GCC2: variants seen among roughly 807,000 people sequenced by gnomAD.
GCC2 encodes the protein GRIP and coiled-coil domain-containing protein 2.
A neutral mutation model predicts 210.6 loss-of-function variants in GCC2; 120 were observed. That is an observed-to-expected ratio of 0.57 (90% CI 0.49 to 0.66). The LOEUF (loss-of-function observed/expected upper bound fraction) is 0.66, where lower values mean the gene tolerates loss of function less well. Among genes scored for constraint, GCC2 ranks in the 30% least tolerant of loss-of-function variants. The pLI is 0.00. For synonymous variants in GCC2, 703 were observed against 652.7 expected (o/e 1.08, Z -1.17); for missense variants, 1,868 against 1,871.9 (o/e 1.00, Z 0.04).
chr2:108,485,549 C>A, intron 13 of GCC2, 87 bp from the exon 14 acceptor site: 1 of 706,696 alleles, frequency 1.4e-6, no homozygotes, highest in Non-Finnish European at 2.4e-6. Flanking sequence ...TAAAGACAAG[C>A]CAATACAAAG....
chr2:108,504,055 A>C (rs947418413), intron 22 of GCC2, among the ~76,000 whole-genome samples: 1 of 152,170 alleles, frequency 6.6e-6, no homozygotes, highest in Non-Finnish European at 1.5e-5. Context: ...CTGCAGTCAA[A>C]CTTCTGGTCG....
At chr2:108,460,818 G>A (rs539800370) in intron 4 of GCC2, among the ~76,000 whole-genome samples, 202 of 152,306 alleles carry the variant, frequency 1.3e-3, no homozygotes, top group Non-Finnish European at 2.4e-3. Flanking sequence ...TCATGGGGAT[G>A]AACATGAACT....
chr2:108,484,321 A>G lies in GCC2; in HGVS notation c.3613+10A>G. ...CTACAAGAAGAAATAAGTGAGTTAAAGAAAATTCACTTTACTTTTTAATTA... is the reference window on the plus strand; with the variant it reads ...CTACAAGAAGAAATAAGTGAGTTAAGGAAAATTCACTTTACTTTTTAATTA... On this transcript the variant is annotated intron_variant, in intron 13 of 22. Coordinates refer to ENST00000309863, the MANE Select transcript of GCC2 (RefSeq NM_181453.4). 1 of 1,418,472 alleles carries G rather than the reference A, an allele frequency of 7.0e-7. No homozygotes were observed. Among genetic ancestry groups the G allele is most frequent in the Non-Finnish European group, 9.6e-7 (1 of 1,043,160 alleles). 87.9% of individuals were successfully genotyped at this position (1,418,472 alleles called of 1,614,324 possible).
At chr2:108,495,047 G>A (rs1682580923) in intron 19 of GCC2, 3 of 232,018 alleles carry the variant, frequency 1.3e-5, no homozygotes, top group South Asian at 1.2e-4. Context: ...TGCTGACCTC[G>A]TGATCCACCC....
intron 3 of GCC2, 120 bp downstream of exon 3, chr2:108,451,232 T>A (rs13411256): frequency 1.6e-6 from 1 of 618,998 alleles, no homozygotes; most frequent in Non-Finnish European, 2.9e-6. Context: ...CAAGTACACC[T>A]TAGTGTAGTA....
intron 4 of GCC2, among the ~76,000 whole-genome samples, 199 bp downstream of exon 4, chr2:108,452,665 C>G (rs1680008723): frequency 6.7e-6 from 1 of 148,918 alleles, no homozygotes; most frequent in African/African-American, 2.5e-5. Context: ...ATTCTACTCT[C>G]TTCCCACGTA....
chr2:108,492,534 G>A (rs776332031), intron 18 of GCC2, 39 bp from the exon 19 acceptor site: 3 of 1,363,466 alleles, frequency 2.2e-6, no homozygotes, highest in African/African-American at 2.9e-5. Context: ...AGCATATAAA[G>A]TTGAAAGATC....
chr2:108,470,279 C>A lies in GCC2; in HGVS notation c.950C>A (p.Ser317Tyr). The A allele has an allele frequency of 6.2e-7, 1 of 1,613,240 alleles. No individual in the cohort carries two copies. The highest frequency in any genetic ancestry group is 8.5e-7 in the Non-Finnish European group (1 of 1,179,646). ...GCAAACCAAGACAATCAGATATGTT[C>A]TATTCTCTTGCAAGAAAATACATTT... ...SNANQDNQIC[S>Y]ILLQENTFVE... Residue 317 changes from serine to tyrosine, a missense_variant, in exon 6 of 23, where the codon TCT (serine) becomes TAT (tyrosine). Physicochemically the swap from Ser to Tyr is moderately radical, Grantham distance 144. This residue lies in a region of GCC2 where 1,847 missense variants were observed against 1,765.2 expected (regional missense o/e 1.05). Coordinates refer to ENST00000309863, the MANE Select transcript of GCC2 (RefSeq NM_181453.4).
rs1169837227 is a variant in GCC2 at position 108,469,059 on chromosome 2, A to G, written c.296A>G (p.Asn99Ser). The change falls in exon 5 of 23, where the codon AAT becomes AGT. Residue 99 changes from asparagine (N) to serine (S), a missense_variant. Asn to Ser is a conservative substitution (Grantham distance 46, BLOSUM62 1). Transcript: ENST00000309863. ...EQQCLSLKKE[N>S]IKMKQEVEDS... ...CAGTGTCTTTCTCTGAAAAAGGAAA[A>G]TATAAAAATGAAGCAAGAGGTTGAG... The G allele has an allele frequency of 1.9e-6, 3 of 1,609,916 alleles. No individual in the cohort carries two copies. In the African/African-American group the frequency reaches 4.0e-5, roughly 22 times the overall value.
At chr2:108,489,537 GT>G (rs1207659747) in intron 17 of GCC2, among the ~76,000 whole-genome samples, 4 of 151,818 alleles carry the variant, frequency 2.6e-5, no homozygotes, top group Non-Finnish European at 2.9e-5. Flanking sequence ...ATAGTGTGAG[GT>G]TTTTTTCTTT....
At chr2:108,472,210 T>C in intron 6 of GCC2, 94 bp downstream of exon 6, 1 of 905,668 alleles carries the variant, frequency 1.1e-6, no homozygotes, top group Non-Finnish European at 1.6e-6. Context: ...ACGTCAAAAG[T>C]AAATTTTTAC....
In GCC2 at chr2:108,470,053, T is replaced by C; in HGVS notation, c.724T>C (p.Leu242=). 1.2e-6 allele frequency: 2 copies of C among 1,613,562 alleles called. No homozygotes were observed. The highest frequency in any genetic ancestry group is 1.7e-6 in the Non-Finnish European group (2 of 1,179,794). Residue 242 remains leucine, a synonymous_variant, in exon 6 of 23, where the codon TTA becomes CTA. Coordinates refer to ENST00000309863, the MANE Select transcript of GCC2 (RefSeq NM_181453.4). ...KNINSLQEEL[L]QLKAIHQEEV... ...TATTAATAGTTTGCAGGAAGAGCTTTTACAGTTGAAAGCTATACACCAAGA... is the reference window on the plus strand; with the variant it reads ...TATTAATAGTTTGCAGGAAGAGCTTCTACAGTTGAAAGCTATACACCAAGA...
At chr2:108,501,108 G>A (rs750123834) in intron 22 of GCC2, among the ~76,000 whole-genome samples, 7 of 151,806 alleles carry the variant, frequency 4.6e-5, no homozygotes, top group Non-Finnish European at 8.8e-5. Context: ...CGATTCTCCT[G>A]CCTCAGCCTC....
chr2:108,502,836 T>C lies in GCC2; in HGVS notation c.4984+3082T>C, dbSNP rs760363748. On this transcript the variant is annotated intron_variant, in intron 22 of 22. Coordinates refer to ENST00000309863, the MANE Select transcript of GCC2 (RefSeq NM_181453.4). ...TACTTGGGAGGCTGAGGTAGGAGAATCGCTTGAACCCGGGAGGCAGAGGTT... is the reference window on the plus strand; with the variant it reads ...TACTTGGGAGGCTGAGGTAGGAGAACCGCTTGAACCCGGGAGGCAGAGGTT... Among the ~76,000 whole-genome samples the C allele has an allele frequency of 1.1e-4, 16 of 150,972 alleles. No homozygotes were observed. The South Asian group carries it at 1.7e-3, about 16-fold the overall frequency.
intron 22 of GCC2, among the ~76,000 whole-genome samples, chr2:108,507,002 A>G (rs1324048463): frequency 6.6e-6 from 1 of 152,202 alleles, no homozygotes; most frequent in African/African-American, 2.4e-5. Flanking sequence ...TTGCTTATCA[A>G]TGTTTTAAAG....
intron 19 of GCC2, chr2:108,494,824 T>C (rs1164521973): frequency 6.5e-6 from 1 of 152,778 alleles, no homozygotes; most frequent in East Asian, 1.9e-4. Flanking sequence ...TTTGTTTGTT[T>C]TGTTTTTGAG....
At chr2:108,481,633 T>A in intron 9 of GCC2, 64 bp from the exon 10 acceptor site, 1 of 1,239,600 alleles carries the variant, frequency 8.1e-7, no homozygotes, top group Non-Finnish European at 1.1e-6. Context: ...GGTGGCTTGA[T>A]GATGAAGTCT....
rs1415631486 is a variant in GCC2 at position 108,483,161 on chromosome 2, A to C, written c.3445A>C (p.Lys1149Gln). 7.1e-7 allele frequency: 1 copy of C among 1,414,176 alleles called. No individual in the cohort carries two copies. Among genetic ancestry groups the C allele is most frequent in the Non-Finnish European group, 1.0e-6 (1 of 1,000,758 alleles). The allele number at this position is 1,414,176 out of a possible 1,614,324, so 87.6% of individuals were successfully genotyped here. The change falls in exon 12 of 23, where the codon AAA (lysine) becomes CAA (glutamine). Residue 1149 changes from lysine to glutamine, a missense_variant. Lys to Gln is a moderately conservative substitution (Grantham distance 53, BLOSUM62 1). Coordinates refer to ENST00000309863, the MANE Select transcript of GCC2 (RefSeq NM_181453.4). ...QKTMQELELV[K>Q]KDAQQTTLMN... ...AACCATGCAAGAATTAGAGCTGGTTAAAAAGGTAAAATAAAACACTAGGAT... is the reference window on the plus strand; with the variant it reads ...AACCATGCAAGAATTAGAGCTGGTTCAAAAGGTAAAATAAAACACTAGGAT...
rs1313525353 is a variant in GCC2 at position 108,461,830 on chromosome 2, C to CTTTTTTTTTTTTTT, written c.217-7145_217-7144insTTTTTTTTTTTTTT. 1.9e-4 allele frequency among the ~76,000 whole-genome samples: 23 copies of CTTTTTTTTTTTTTT among 124,118 alleles called. 1 individual carries two copies. Among genetic ancestry groups the CTTTTTTTTTTTTTT allele is most frequent in the African/African-American group, 3.1e-4 (10 of 31,830 alleles). The allele number at this position is 124,118 out of a possible 152,430, so 81.4% of individuals were successfully genotyped here. On this transcript the variant is annotated intron_variant, in intron 4 of 22. Coordinates refer to ENST00000309863, the MANE Select transcript of GCC2 (RefSeq NM_181453.4). ...CTAAATAGGTTTTCTTTTTTTTTTT[C>CTTTTTTTTTTTTTT]TTTTTCTTTTTTTTTTTTTTTGAGA...
Sources: allele counts gnomAD v4.1 joint callset (sites outside exome capture counted in the v4.1 genomes callset), GRCh38; gene constraint gnomAD v4.1.1; regional missense constraint gnomAD v4.1.1; transcripts MANE v1.5; gene names NCBI Gene and HGNC (gene_info 2026-07-23, HGNC 2026-07-21).